Variants in ROBO1 observed in about 807,000 individuals in gnomAD.
ROBO1 encodes the protein roundabout homolog 1.
Under a neutral mutation model 195.9 loss-of-function variants are expected in ROBO1, and 149 were observed. That is an observed-to-expected ratio of 0.76 (90% CI 0.67 to 0.87). The LOEUF is 0.87. ROBO1 is among the 40% of genes least tolerant of loss of function. The pLI, the probability that ROBO1 is intolerant of heterozygous loss-of-function variation, is 0.00. For synonymous variants in ROBO1, 816 were observed against 733.2 expected (o/e 1.11, Z -1.82); for missense variants, 1,933 against 2,068.3 (o/e 0.93, Z 1.27).
At chr3:79,757,632 T>C (rs1348964722) in intron 1 of ROBO1, among the ~76,000 whole-genome samples, 1 of 151,996 alleles carries the variant, frequency 6.6e-6, no homozygotes, top group Admixed American at 6.6e-5. Context: ...TGAGCTATGA[T>C]TGTGCTACTG....
intron 2 of ROBO1, among the ~76,000 whole-genome samples, chr3:79,361,706 T>A (rs949769825): frequency 6.6e-6 from 1 of 152,080 alleles, no homozygotes; most frequent in African/African-American, 2.4e-5. Flanking sequence ...CAACTTTTTA[T>A]TGTGGCCGTA....
chr3:78,701,395 G>A (rs145909447), intron 8 of ROBO1, among the ~76,000 whole-genome samples: 7 of 152,280 alleles, frequency 4.6e-5, no homozygotes, highest in African/African-American at 1.4e-4. Context: ...GAAAAGCGAT[G>A]TGAGGCAACA....
chr3:79,579,202 A>G (rs1943584469), intron 2 of ROBO1, among the ~76,000 whole-genome samples: 1 of 152,188 alleles, frequency 6.6e-6, no homozygotes, highest in Non-Finnish European at 1.5e-5. Flanking sequence ...GGAATACACA[A>G]GTTGAGCTTA....
At chr3:79,496,235 G>C (rs1396700128) in intron 2 of ROBO1, among the ~76,000 whole-genome samples, 1 of 108,858 alleles carries the variant, frequency 9.2e-6, no homozygotes, top group Non-Finnish European at 1.9e-5. Flanking sequence ...AAAAAAAAAA[G>C]ACTCGTAAAG....
In ROBO1 at chr3:78,922,592, CCTT is replaced by C. The variant is rs1041351099; in HGVS notation, c.499+16006_499+16008del. The stretch of plus-strand genomic sequence containing the variant: ...AACCACTGTCTGATTTTCTTCTTCT[CCTT>C]CTTCTTCTTCTTTTTTTTTTTTTTT... On this transcript the variant is annotated intron_variant, in intron 4 of 30. Coordinates refer to ENST00000464233, the MANE Select transcript of ROBO1 (RefSeq NM_002941.4). 4.8e-5 allele frequency among the ~76,000 whole-genome samples: 7 copies of C among 146,854 alleles called. No homozygotes were observed. In the East Asian group the frequency reaches 9.9e-4, roughly 21 times the overall value.
intron 2 of ROBO1, among the ~76,000 whole-genome samples, chr3:79,324,212 C>T (rs1457883986): frequency 6.6e-6 from 1 of 152,126 alleles, no homozygotes; most frequent in Non-Finnish European, 1.5e-5. Flanking sequence ...GCCTGTTCTA[C>T]AATCTCAGGA....
intron 2 of ROBO1, among the ~76,000 whole-genome samples, chr3:79,181,332 G>T (rs939220150): frequency 6.6e-6 from 1 of 152,060 alleles, no homozygotes; most frequent in African/African-American, 2.4e-5. Context: ...ATTGTTACTG[G>T]CCTGGCATAT....
chr3:79,158,970 T>C (rs1341031279), intron 2 of ROBO1, among the ~76,000 whole-genome samples: 1 of 151,956 alleles, frequency 6.6e-6, no homozygotes, highest in Non-Finnish European at 1.5e-5. Flanking sequence ...TTCACTTCTT[T>C]GGAAAGAAGA....
intron 2 of ROBO1, among the ~76,000 whole-genome samples, chr3:79,558,590 A>G (rs1211979112): frequency 6.6e-6 from 1 of 152,100 alleles, no homozygotes; most frequent in East Asian, 1.9e-4. Context: ...TCCATTTTTC[A>G]TGGGTAAACT....
At chr3:78,893,708 A>G (rs2107393597) in intron 4 of ROBO1, among the ~76,000 whole-genome samples, 1 of 152,300 alleles carries the variant, frequency 6.6e-6, no homozygotes, top group Middle Eastern at 3.4e-3. Flanking sequence ...ATAAACTTCT[A>G]CTTTATAAAT....
chr3:79,118,914 T>C (rs567535677), intron 3 of ROBO1, among the ~76,000 whole-genome samples: 1 of 151,882 alleles, frequency 6.6e-6, no homozygotes, highest in Admixed American at 6.6e-5. Context: ...TAAAACTATT[T>C]ATCAAAAGTA....
chr3:79,088,069 C>T (rs540474137), intron 3 of ROBO1, among the ~76,000 whole-genome samples: 84 of 152,246 alleles, frequency 5.5e-4, no homozygotes, highest in African/African-American at 1.9e-3. Context: ...ATACTAAACT[C>T]AACTAGTGTT....
intron 3 of ROBO1, chr3:79,018,668 A>T: frequency 7.2e-7 from 1 of 1,389,986 alleles, no homozygotes; most frequent in South Asian, 1.6e-5. Flanking sequence ...AAGAATTCCA[A>T]GGTTTGTCTT....
intron 2 of ROBO1, among the ~76,000 whole-genome samples, chr3:79,499,764 T>C (rs538944193): frequency 2.0e-4 from 30 of 152,134 alleles, no homozygotes; most frequent in Non-Finnish European, 3.4e-4. Flanking sequence ...TCTCCCGAGA[T>C]TGGGAGATCT....
chr3:78,945,698 G>T (rs932153848), intron 3 of ROBO1, among the ~76,000 whole-genome samples: 3 of 152,114 alleles, frequency 2.0e-5, no homozygotes, highest in African/African-American at 7.2e-5. Context: ...AGAGAAGAAG[G>T]CTTCAGACGA....
chr3:79,167,263 G>GT (rs1167529115), intron 2 of ROBO1, among the ~76,000 whole-genome samples: 8 of 151,932 alleles, frequency 5.3e-5, no homozygotes, highest in Admixed American at 3.9e-4. Context: ...AAATTTTTGT[G>GT]TTTTTTTGTT....
At chr3:79,233,254 C>G (rs964396129) in intron 2 of ROBO1, among the ~76,000 whole-genome samples, 11 of 151,798 alleles carry the variant, frequency 7.2e-5, no homozygotes, top group Admixed American at 6.6e-4. Context: ...TTTATAAAGC[C>G]CCCAAATGGG....
chr3:79,085,753 C>A (rs923956440), intron 3 of ROBO1, among the ~76,000 whole-genome samples: 1 of 152,076 alleles, frequency 6.6e-6, no homozygotes, highest in African/African-American at 2.4e-5. Flanking sequence ...TGGAAGAAGA[C>A]AAGAGAAACT....
At chr3:79,482,790 T>C (rs1015271863) in intron 2 of ROBO1, among the ~76,000 whole-genome samples, 1 of 152,202 alleles carries the variant, frequency 6.6e-6, no homozygotes, top group Non-Finnish European at 1.5e-5. Context: ...AGAATTGGAT[T>C]TGACCTTGAA....
Sources: allele counts gnomAD v4.1 joint callset (sites outside exome capture counted in the v4.1 genomes callset), GRCh38; gene constraint gnomAD v4.1.1; transcripts MANE v1.5; gene names NCBI Gene and HGNC (gene_info 2026-07-23, HGNC 2026-07-21).